CAMK1D: variants seen among roughly 807,000 people sequenced by gnomAD.
The protein encoded by CAMK1D is calcium/calmodulin dependent protein kinase ID.
In CAMK1D, 9 loss-of-function variants were observed where a neutral mutation model predicts 47.7. The observed-to-expected ratio is 0.19, with a 90% confidence interval of 0.11 to 0.33. The LOEUF (loss-of-function observed/expected upper bound fraction) is 0.33. Ranked by LOEUF, CAMK1D falls within the 10% of genes least tolerant of loss-of-function variation. The pLI is 1.00. For synonymous variants in CAMK1D, 184 were observed against 184.9 expected, an observed-to-expected ratio of 0.99 and a Z score of 0.04; for missense variants, 291 against 488.7, an observed-to-expected ratio of 0.60 and a Z score of 3.81.
intron 1 of CAMK1D, among the ~76,000 whole-genome samples, chr10:12,540,595 C>G (rs1488801384): frequency 6.6e-6 from 1 of 152,228 alleles, no homozygotes; most frequent in Non-Finnish European, 1.5e-5. Flanking sequence ...CTCCCTGTGA[C>G]AAGTATTGTC....
intron 3 of CAMK1D, among the ~76,000 whole-genome samples, chr10:12,696,306 G>T (rs945086554): frequency 7.9e-5 from 12 of 152,030 alleles, no homozygotes; most frequent in Non-Finnish European, 1.8e-4. Context: ...AGAGGCCGAG[G>T]TGGGAGGATC....
At chr10:12,567,796 C>T (rs564788072) in intron 2 of CAMK1D, among the ~76,000 whole-genome samples, 44 of 152,304 alleles carry the variant, frequency 2.9e-4, no homozygotes, top group African/African-American at 1.1e-3. Flanking sequence ...CTTGGTACAG[C>T]AACGGGGTGG....
intron 1 of CAMK1D, among the ~76,000 whole-genome samples, chr10:12,380,319 C>T (rs144075685): frequency 1.8e-3 from 277 of 152,226 alleles, no homozygotes; most frequent in African/African-American, 6.2e-3. Context: ...TCTCACCTTC[C>T]AATTAAAAGG....
intron 1 of CAMK1D, among the ~76,000 whole-genome samples, chr10:12,409,014 G>A (rs377190307): frequency 7.0e-4 from 106 of 151,956 alleles, no homozygotes; most frequent in African/African-American, 2.2e-3. Flanking sequence ...GCACCACCAT[G>A]CCTGGCTAAT....
chr10:12,810,043 G>A (rs1490981288), intron 6 of CAMK1D, among the ~76,000 whole-genome samples: 2 of 151,426 alleles, frequency 1.3e-5, no homozygotes, highest in African/African-American at 4.9e-5. Flanking sequence ...AGCTACTTGG[G>A]AGGCTGAGGC....
chr10:12,616,255 A>T (rs181873604), intron 2 of CAMK1D, among the ~76,000 whole-genome samples: 4 of 152,184 alleles, frequency 2.6e-5, no homozygotes, highest in Non-Finnish European at 5.9e-5. Flanking sequence ...TTTTCCAAGT[A>T]TGGGCAGGCT....
At chr10:12,474,007 A>G (rs1360811730) in intron 1 of CAMK1D, among the ~76,000 whole-genome samples, 2 of 152,154 alleles carry the variant, frequency 1.3e-5, no homozygotes, top group African/African-American at 4.8e-5. Context: ...GGCATTTAAT[A>G]TTTGAATTAA....
intron 1 of CAMK1D, among the ~76,000 whole-genome samples, chr10:12,500,540 A>G (rs1834670093): frequency 6.6e-6 from 1 of 152,198 alleles, no homozygotes; most frequent in South Asian, 2.1e-4. Context: ...ATGCCATTCC[A>G]GAGATTGAGA....
intron 3 of CAMK1D, among the ~76,000 whole-genome samples, chr10:12,756,845 G>T (rs983258964): frequency 4.6e-5 from 7 of 152,196 alleles, no homozygotes; most frequent in African/African-American, 1.4e-4. Flanking sequence ...GGAGAATGGC[G>T]TGAACCCAGG....
chr10:12,624,466 C>G (rs1389987581), intron 2 of CAMK1D, among the ~76,000 whole-genome samples: 1 of 152,176 alleles, frequency 6.6e-6, no homozygotes, highest in Non-Finnish European at 1.5e-5. Context: ...ACTGGATTAT[C>G]TTAGATACCC....
intron 2 of CAMK1D, among the ~76,000 whole-genome samples, chr10:12,568,444 C>T (rs372358753): frequency 1.3e-3 from 61 of 48,224 alleles, no homozygotes; most frequent in Middle Eastern, 7.7e-3. Context: ...CCCTTCCTTT[C>T]CTTTCCTTCC....
chr10:12,447,247 T>C (rs2132024771), intron 1 of CAMK1D, among the ~76,000 whole-genome samples: 1 of 152,318 alleles, frequency 6.6e-6, no homozygotes, highest in South Asian at 2.1e-4. Context: ...AGCAAAGGTA[T>C]TGGAAGGCCA....
At position 12,466,285 on chromosome 10, in the gene CAMK1D, G is replaced by A. The variant is rs1209046277; in HGVS notation, c.93-86940G>A. 2.0e-5 allele frequency among the ~76,000 whole-genome samples: 3 copies of A among 151,978 alleles called. No homozygotes were observed. In the East Asian group the frequency reaches 5.8e-4, roughly 29 times the overall value. Reference sequence around the variant, plus strand: ...TAGCTGGATGTGGTGGTGAGCACTTGTATTCCCAGCTGCTTGGGAGGCTGA... The same window carrying A: ...TAGCTGGATGTGGTGGTGAGCACTTATATTCCCAGCTGCTTGGGAGGCTGA... On this transcript the variant is annotated intron_variant, in intron 1 of 10. Coordinates refer to ENST00000619168, the MANE Select transcript of CAMK1D (RefSeq NM_153498.4).
At chr10:12,754,421 C>G (rs753028589) in intron 3 of CAMK1D, among the ~76,000 whole-genome samples, 1 of 152,152 alleles carries the variant, frequency 6.6e-6, no homozygotes, top group Non-Finnish European at 1.5e-5. Context: ...CAGGATCATT[C>G]CATGATTTGG....
At chr10:12,494,668 G>A (rs552908645) in intron 1 of CAMK1D, among the ~76,000 whole-genome samples, 8 of 152,216 alleles carry the variant, frequency 5.3e-5, no homozygotes, top group African/African-American at 1.9e-4. Flanking sequence ...GGGTTCAAGC[G>A]ATTCTCCTGC....
chr10:12,552,380 G>C (rs1272270288), intron 1 of CAMK1D, among the ~76,000 whole-genome samples: 1 of 152,182 alleles, frequency 6.6e-6, no homozygotes, highest in Non-Finnish European at 1.5e-5. Flanking sequence ...TAATTACCCT[G>C]TGTCTGTACC....
At chr10:12,661,520 T>A (rs898397845) in intron 2 of CAMK1D, among the ~76,000 whole-genome samples, 4 of 152,184 alleles carry the variant, frequency 2.6e-5, no homozygotes, top group African/African-American at 9.7e-5. Context: ...TAATGGTAAA[T>A]GAAATAATTA....
intron 1 of CAMK1D, among the ~76,000 whole-genome samples, chr10:12,446,355 C>T (rs1832925102): frequency 6.6e-6 from 1 of 152,176 alleles, no homozygotes. Flanking sequence ...AGGGTAACTT[C>T]CTGATGTGGC....
intron 1 of CAMK1D, among the ~76,000 whole-genome samples, chr10:12,410,462 G>A (rs887726984): frequency 1.3e-5 from 2 of 152,030 alleles, no homozygotes; most frequent in Non-Finnish European, 2.9e-5. Context: ...AGCTAGCCTC[G>A]GCCCTCCATT....
Sources: allele counts gnomAD v4.1 joint callset (sites outside exome capture counted in the v4.1 genomes callset), GRCh38; gene constraint gnomAD v4.1.1; transcripts MANE v1.5; gene names NCBI Gene and HGNC (gene_info 2026-07-23, HGNC 2026-07-21).